The following YTHDC2 variants were observed in gnomAD, a reference collection of about 807,000 sequenced individuals.
YTHDC2 encodes YTH N6-methyladenosine RNA binding protein C2, also known as 3'-5' RNA helicase YTHDC2.
A neutral mutation model predicts 174.9 loss-of-function variants in YTHDC2; 45 were observed. The observed-to-expected ratio is 0.26, with a 90% confidence interval of 0.20 to 0.33. The LOEUF is 0.33. Ranked by LOEUF, YTHDC2 falls within the 10% of genes least tolerant of loss-of-function variation. The pLI is 1.00. For missense variants in YTHDC2, 1,650 were observed against 1,723.7 expected, an observed-to-expected ratio of 0.96 and a Z score of 0.76; for synonymous variants, 657 against 574.5, an observed-to-expected ratio of 1.14 and a Z score of -2.05.
At position 113,594,398 on chromosome 5, in the gene YTHDC2, C is replaced by T. The variant is rs1247079435; in HGVS notation, c.*924C>T. The T allele has an allele frequency of 2.6e-5, 4 of 152,188 alleles. No homozygotes were observed. The highest frequency in any genetic ancestry group is 1.9e-4 in the East Asian group (1 of 5,202). The allele number at this position is 152,188 out of a possible 1,614,324, so 9.4% of individuals were successfully genotyped here. A position where few individuals can be genotyped will look rare whatever the true frequency, so the allele number is the denominator to read the frequency against. On this transcript the variant is annotated 3_prime_UTR_variant, in exon 30 of 30. Transcript: ENST00000161863. ...CTCAACTGGTAGCTTGCTTGCTGTG[C>T]GTCTTCCAAACTAAAGCCTGCAAGC... is the stretch of plus-strand genomic sequence containing the variant.
chr5:113,561,326 C>T (rs1279255839), intron 18 of YTHDC2, 141 bp downstream of exon 18: 2 of 484,798 alleles, frequency 4.1e-6, no homozygotes, highest in Non-Finnish European at 6.9e-6. Context: ...GTGGCTATGT[C>T]TATAACAAAT....
rs751702755 is a variant in YTHDC2 at position 113,553,932 on chromosome 5, C to T, written c.2053-10C>T. ...TTTTTTATTAACTTTAAAGTAATAT[C>T]TTGTTGCAGATTCTTTCCACCAATA... On this transcript the variant is annotated splice_polypyrimidine_tract_variant and intron_variant, in intron 15 of 29. Coordinates refer to ENST00000161863, the MANE Select transcript of YTHDC2 (RefSeq NM_022828.5). The T allele has an allele frequency of 6.3e-7, 1 of 1,581,582 alleles. No homozygotes were observed. The highest frequency in any genetic ancestry group is 1.2e-5 in the South Asian group (1 of 84,232).
At chr5:113,568,629 G>C (rs1777513792) in intron 23 of YTHDC2, among the ~76,000 whole-genome samples, 1 of 152,114 alleles carries the variant, frequency 6.6e-6, no homozygotes, top group African/African-American at 2.4e-5. Context: ...GCGGTGTTTG[G>C]TTTTCCATTC....
chr5:113,565,845 A>C lies in YTHDC2; in HGVS notation c.2716-48A>C, dbSNP rs368475273. 3 of 1,578,780 alleles carry C rather than the reference A, an allele frequency of 1.9e-6. No homozygotes were observed. The African/African-American group carries it at 4.1e-5, about 22-fold the overall frequency. ...TGTAGTTACTTGTTGCCTCACTAAG[A>C]AGCGATTAGTAAATGTGTCTTGTTA... is the stretch of plus-strand genomic sequence containing the variant. On this transcript the variant is annotated intron_variant, in intron 20 of 29. Transcript: ENST00000161863.
chr5:113,535,834 A>G (rs377561943), intron 7 of YTHDC2, 36 bp downstream of exon 7: 10 of 1,503,846 alleles, frequency 6.6e-6, no homozygotes, highest in South Asian at 6.3e-5. Flanking sequence ...TATAATTTTT[A>G]TGAAAGAACA....
chr5:113,538,471 C>A (rs1451059202), intron 7 of YTHDC2, among the ~76,000 whole-genome samples: 1 of 152,158 alleles, frequency 6.6e-6, no homozygotes, highest in South Asian at 2.1e-4. Flanking sequence ...GTAAGTTAGC[C>A]TTTTAGTTCC....
intron 23 of YTHDC2, 126 bp downstream of exon 23, chr5:113,567,975 A>T (rs777682934): frequency 1.5e-6 from 1 of 668,000 alleles, no homozygotes; most frequent in African/African-American, 1.9e-5. Flanking sequence ...CTCTATTTTG[A>T]TGTACTAAGA....
chr5:113,515,914 CTA>C (rs1773390053), intron 2 of YTHDC2, among the ~76,000 whole-genome samples: 1 of 152,168 alleles, frequency 6.6e-6, no homozygotes, highest in Admixed American at 6.5e-5. Context: ...GGTGCTGTCT[CTA>C]TTAAGAGTCT....
chr5:113,591,147 C>A lies in YTHDC2; in HGVS notation c.3932C>A (p.Ser1311Tyr). ...ATTTCTCAACAGAAGGGTATCTGGTCTACAACTCCTAGTAATGAACGGAAG... is the reference window on the plus strand; with the variant it reads ...ATTTCTCAACAGAAGGGTATCTGGTATACAACTCCTAGTAATGAACGGAAG... ...LEISQQKGIW[S>Y]TTPSNERKLN... Residue 1311 changes from serine to tyrosine, a missense_variant, in exon 27 of 30, where the codon TCT (serine) becomes TAT (tyrosine). Around this residue, in one of 5 missense-constraint regions of YTHDC2, gnomAD observed 913 missense variants for 940.4 expected, o/e 0.97. Coordinates refer to ENST00000161863, the MANE Select transcript of YTHDC2 (RefSeq NM_022828.5). 6.2e-7 allele frequency: 1 copy of A among 1,613,958 alleles called. No individual in the cohort carries two copies. Among genetic ancestry groups the A allele is most frequent in the African/African-American group, 1.3e-5 (1 of 75,012 alleles).
At chr5:113,533,088 A>G (rs72794123) in intron 5 of YTHDC2, 43 bp downstream of exon 5, 27,836 of 1,600,848 alleles carry the variant, frequency 0.017, 286 homozygotes, top group Non-Finnish European at 0.021. Context: ...TCATGCTTAA[A>G]AAAGACTATG....
chr5:113,553,912 T>C, intron 15 of YTHDC2, 30 bp from the exon 16 acceptor site: 1 of 1,583,600 alleles, frequency 6.3e-7, no homozygotes, highest in Non-Finnish European at 8.5e-7. Flanking sequence ...TCTGTTTTTT[T>C]ATTAACTTTA....
intron 23 of YTHDC2, among the ~76,000 whole-genome samples, chr5:113,571,988 T>G (rs1441313123): frequency 6.6e-6 from 1 of 152,190 alleles, no homozygotes; most frequent in Non-Finnish European, 1.5e-5. Context: ...TGCTCTGATA[T>G]TAGTTATTTC....
At chr5:113,536,718 G>A (rs534191992) in intron 7 of YTHDC2, among the ~76,000 whole-genome samples, 9 of 151,916 alleles carry the variant, frequency 5.9e-5, no homozygotes, top group Non-Finnish European at 1.3e-4. Context: ...AAATATATAC[G>A]TATTTATAAC....
rs764469825 is a variant in YTHDC2, at chr5:113,553,231, A to G, written c.1739A>G (p.Asn580Ser). Residue 580 changes from asparagine to serine, a missense_variant, in exon 13 of 30, where the codon AAT becomes AGT. This residue lies in a region of YTHDC2 where 411 missense variants were observed against 380.6 expected (regional missense o/e 1.08). Coordinates refer to ENST00000161863, the MANE Select transcript of YTHDC2 (RefSeq NM_022828.5). ...GATGAAAGTTCTCTGGTTCAAACAA[A>G]TGGAAGTGACCTCAGTGCTGAAGAC... ...NLDESSLVQT[N>S]GSDLSAEDRE... The G allele has an allele frequency of 2.5e-6, 4 of 1,595,470 alleles. No individual in the cohort carries two copies. Among genetic ancestry groups the G allele is most frequent in the Admixed American group, 3.5e-5 (2 of 56,886 alleles).
At chr5:113,532,814 A>G in intron 4 of YTHDC2, 65 bp from the exon 5 acceptor site, 2 of 1,440,566 alleles carry the variant, frequency 1.4e-6, no homozygotes, top group East Asian at 4.6e-5. Flanking sequence ...TTTTCAGTTG[A>G]TTCACTTAGA....
chr5:113,520,354 A>T (rs980237149), intron 2 of YTHDC2, among the ~76,000 whole-genome samples: 2 of 152,236 alleles, frequency 1.3e-5, no homozygotes, highest in Non-Finnish European at 2.9e-5. Flanking sequence ...TACCTAACTC[A>T]GATAAAGAAG....
In YTHDC2 at chr5:113,535,699, T is replaced by G; in HGVS notation, c.1003T>G (p.Leu335Val). Residue 335 changes from leucine (L) to valine (V), a missense_variant, in exon 7 of 30, where the codon TTG (leucine) becomes GTG (valine). By Grantham distance (32) the Leu-to-Val change is conservative. Around this residue, in one of 5 missense-constraint regions of YTHDC2, gnomAD observed 411 missense variants for 380.6 expected, o/e 1.08. Coordinates refer to ENST00000161863, the MANE Select transcript of YTHDC2 (RefSeq NM_022828.5). ...TTTTTTACTTACAAAGTTAAGAGAT[T>G]TGTTGCAAAAGCACCCAACTTTGAA... is the stretch of plus-strand genomic sequence containing the variant. ...SDFLLTKLRD[L>V]LQKHPTLKLI... 6.2e-7 allele frequency: 1 copy of G among 1,613,846 alleles called. No homozygotes were observed. Among genetic ancestry groups the G allele is most frequent in the Non-Finnish European group, 8.5e-7 (1 of 1,179,898 alleles).
At chr5:113,591,353 T>G in intron 27 of YTHDC2, 109 bp downstream of exon 27, 1 of 1,117,404 alleles carries the variant, frequency 8.9e-7, no homozygotes, top group Admixed American at 2.0e-5. Flanking sequence ...CAAGAATGCC[T>G]TTTGCTTGAC....
At chr5:113,559,284 A>T (rs1277437557) in intron 17 of YTHDC2, among the ~76,000 whole-genome samples, 2 of 152,142 alleles carry the variant, frequency 1.3e-5, no homozygotes, top group African/African-American at 4.8e-5. Flanking sequence ...ACCAAAATAA[A>T]CTCATATTAA....
Sources: gnomAD v4.1 joint callset for allele counts (sites outside exome capture counted in the v4.1 genomes callset) on GRCh38, gnomAD v4.1.1 for gene constraint, gnomAD v4.1.1 regional missense constraint, MANE v1.5 for transcripts, NCBI Gene and HGNC (gene_info 2026-07-23, HGNC 2026-07-21) for gene names.